The following MYO9A variants were observed in gnomAD, a reference collection of about 807,000 sequenced individuals.
The protein encoded by MYO9A is myosin IXA.
In MYO9A, 103 loss-of-function variants were observed where a neutral mutation model predicts 293.3. The ratio of observed to expected loss-of-function variants is 0.35; its 90% CI spans 0.30 to 0.41. MYO9A has a LOEUF of 0.41. MYO9A is among the 10% of genes least tolerant of loss of function. The pLI is 1.00. For missense variants in MYO9A, 2,685 were observed against 3,033.0 expected, an observed-to-expected ratio of 0.89 and a Z score of 2.69; for synonymous variants, 1,001 against 1,035.7, an observed-to-expected ratio of 0.97 and a Z score of 0.64.
At chr15:71,851,441 A>G in intron 36 of MYO9A, 83 bp from the exon 37 acceptor site, 2 of 1,089,446 alleles carry the variant, frequency 1.8e-6, no homozygotes, top group Non-Finnish European at 2.6e-6. Context: ...TGAAGCAAAG[A>G]AGGCTGGCTA....
intron 14 of MYO9A, among the ~76,000 whole-genome samples, chr15:71,957,395 C>T (rs1236219782): frequency 6.6e-6 from 1 of 152,116 alleles, no homozygotes; most frequent in Non-Finnish European, 1.5e-5. Flanking sequence ...GAGGTCCTTA[C>T]CCCACCATTT....
At chr15:71,921,905 T>C (rs1252543573) in intron 18 of MYO9A, among the ~76,000 whole-genome samples, 1 of 152,110 alleles carries the variant, frequency 6.6e-6, no homozygotes, top group African/African-American at 2.4e-5. Flanking sequence ...GCTTTCTTTG[T>C]TCCTTCTCTC....
chr15:72,110,453 A>G (rs905642134), intron 1 of MYO9A, among the ~76,000 whole-genome samples: 39 of 150,892 alleles, frequency 2.6e-4, no homozygotes, highest in East Asian at 1.5e-3. Context: ...AAAAAAAAAA[A>G]AAAAAGAAAA....
At chr15:72,076,949 A>T (rs1364886834) in intron 1 of MYO9A, among the ~76,000 whole-genome samples, 1 of 152,186 alleles carries the variant, frequency 6.6e-6, no homozygotes, top group African/African-American at 2.4e-5. Flanking sequence ...GATCTTTGAC[A>T]ATGAAACAAA....
intron 26 of MYO9A, chr15:71,891,922 G>A (rs1169887540): frequency 6.6e-6 from 1 of 152,250 alleles, no homozygotes; most frequent in Non-Finnish European, 1.5e-5. Context: ...AATATTTAAT[G>A]AGTCAAATAA....
At chr15:72,005,540 T>C (rs138095681) in intron 8 of MYO9A, among the ~76,000 whole-genome samples, 9 of 152,256 alleles carry the variant, frequency 5.9e-5, no homozygotes, top group African/African-American at 2.2e-4. Context: ...TTTATGATCT[T>C]CAAAATTACA....
intron 32 of MYO9A, among the ~76,000 whole-genome samples, chr15:71,870,900 T>C (rs1377900708): frequency 6.6e-6 from 1 of 152,184 alleles, no homozygotes; most frequent in Non-Finnish European, 1.5e-5. Flanking sequence ...GGGCCAACTG[T>C]ACTATAAAAA....
At chr15:72,089,127 T>G (rs1301639449) in intron 1 of MYO9A, among the ~76,000 whole-genome samples, 1 of 152,174 alleles carries the variant, frequency 6.6e-6, no homozygotes, top group African/African-American at 2.4e-5. Context: ...TCTTATTACC[T>G]CAAGAGTCAA....
intron 1 of MYO9A, among the ~76,000 whole-genome samples, chr15:72,086,314 T>A (rs2079725603): frequency 6.6e-6 from 1 of 152,052 alleles, no homozygotes; most frequent in African/African-American, 2.4e-5. Flanking sequence ...GGCAAATCTG[T>A]GTGCACCCTC....
At position 71,854,465 on chromosome 15, in the gene MYO9A, A is replaced by G. The variant is rs1241058683; in HGVS notation, c.6258T>C (p.Ile2086=). 1.2e-6 allele frequency: 2 copies of G among 1,613,752 alleles called. No individual in the cohort carries two copies. The highest frequency in any genetic ancestry group is 2.2e-5 in the South Asian group (2 of 90,982). Residue 2086 remains isoleucine (I), a synonymous_variant, in exon 35 of 42, where the codon ATT becomes ATC. Coordinates refer to ENST00000356056, the MANE Select transcript of MYO9A (RefSeq NM_006901.4). Reference sequence around the variant, plus strand: ...CTTCTGTATACAGTCCATGCATTTCAATGTAGTTTATGAGCTTTTCCACTA... The same window carrying G: ...CTTCTGTATACAGTCCATGCATTTCGATGTAGTTTATGAGCTTTTCCACTA... ...PLVVEKLINY[I]EMHGLYTEGI...
At chr15:71,924,579 T>C (rs1261644088) in intron 18 of MYO9A, among the ~76,000 whole-genome samples, 2 of 152,060 alleles carry the variant, frequency 1.3e-5, no homozygotes, top group Non-Finnish European at 2.9e-5. Context: ...GAGACTTGTT[T>C]TGTGGCCCAA....
intron 39 of MYO9A, among the ~76,000 whole-genome samples, chr15:71,843,730 G>A (rs1003474688): frequency 2.3e-4 from 35 of 152,114 alleles, no homozygotes; most frequent in African/African-American, 8.0e-4. Context: ...TGATCCGCCC[G>A]CCTCGGCCTC....
intron 4 of MYO9A, among the ~76,000 whole-genome samples, chr15:72,022,671 C>T (rs1007185194): frequency 2.0e-5 from 3 of 152,080 alleles, no homozygotes; most frequent in Non-Finnish European, 4.4e-5. Context: ...CTTCAGCCTC[C>T]CTAGTAGCTG....
Position 72,118,127 on chromosome 15 carries a change from C to T in MYO9A, c.-519G>A, listed in dbSNP as rs536754754. On this transcript the variant is annotated 5_prime_UTR_variant, in exon 1 of 42. Coordinates refer to ENST00000356056, the MANE Select transcript of MYO9A (RefSeq NM_006901.4). ...GGCCCCGCCCCGCGCGACTCCCCGG[C>T]TGCAGGCGAGCAGGCGCGCGCGCAC... 3.7e-5 allele frequency: 14 copies of T among 383,544 alleles called. No homozygotes were observed. The Admixed American group carries it at 5.4e-4, about 15-fold the overall frequency. 23.8% of individuals were successfully genotyped at this position (383,544 alleles called of 1,614,324 possible).
At chr15:71,913,835 T>C (rs959488260) in intron 19 of MYO9A, among the ~76,000 whole-genome samples, 2 of 152,178 alleles carry the variant, frequency 1.3e-5, no homozygotes, top group Non-Finnish European at 1.5e-5. Flanking sequence ...TTTGGTCCCA[T>C]TGCTAAAACA....
chr15:72,029,102 A>T (rs749531771), intron 3 of MYO9A, among the ~76,000 whole-genome samples: 11 of 152,234 alleles, frequency 7.2e-5, no homozygotes, highest in Non-Finnish European at 1.5e-4. Flanking sequence ...GTGAGTACAC[A>T]GCACAGAGTA....
chr15:72,010,512 A>C lies in MYO9A; in HGVS notation c.1156-65T>G. 8 of 1,389,652 alleles carry C rather than the reference A, an allele frequency of 5.8e-6. No individual in the cohort carries two copies. In the South Asian group the frequency reaches 1.0e-4, roughly 17 times the overall value. The allele number at this position is 1,389,652 out of a possible 1,614,324, so 86.1% of individuals were successfully genotyped here. On this transcript the variant is annotated intron_variant, in intron 6 of 41. Transcript: ENST00000356056. ...TATTTTAAAATAATGTGGGCCATTC[A>C]GAAATATGGTAATTTAGGATAGGTA...
intron 39 of MYO9A, among the ~76,000 whole-genome samples, chr15:71,833,950 A>G (rs2054834026): frequency 6.6e-6 from 1 of 152,088 alleles, no homozygotes. Flanking sequence ...TAAGGATGTA[A>G]GACTCTATTT....
chr15:72,089,916 G>T (rs921260259), intron 1 of MYO9A, among the ~76,000 whole-genome samples: 1 of 152,172 alleles, frequency 6.6e-6, no homozygotes, highest in Admixed American at 6.5e-5. Context: ...ATCAAAAACT[G>T]TATTGTGCCA....
Sources: gnomAD v4.1 joint callset for allele counts (sites outside exome capture counted in the v4.1 genomes callset) on GRCh38, gnomAD v4.1.1 for gene constraint, MANE v1.5 for transcripts, NCBI Gene and HGNC (gene_info 2026-07-23, HGNC 2026-07-21) for gene names.